NRXN1: variants seen among roughly 807,000 people sequenced by gnomAD.
NRXN1 encodes neurexin-1.
NRXN1 carries 39 observed loss-of-function variants against 150.9 expected under a neutral mutation model. The ratio of observed to expected loss-of-function variants is 0.26; its 90% confidence interval spans 0.20 to 0.34. The LOEUF (loss-of-function observed/expected upper bound fraction) is 0.34, where lower values mean the gene tolerates loss of function less well. NRXN1 is among the 10% of genes least tolerant of loss of function. NRXN1 has a pLI of 1.00. For synonymous variants in NRXN1, 924 were observed against 757.0 expected (o/e 1.22, Z -3.62); for missense variants, 1,815 against 1,949.9 (o/e 0.93, Z 1.30).
At chr2:50,122,918 G>T (rs950238911) in intron 18 of NRXN1, among the ~76,000 whole-genome samples, 2 of 152,040 alleles carry the variant, frequency 1.3e-5, no homozygotes, top group African/African-American at 2.4e-5. Flanking sequence ...TAGATACAAG[G>T]CTAATTTGGT....
intron 21 of NRXN1, among the ~76,000 whole-genome samples, chr2:49,998,893 T>C (rs985543813): frequency 2.0e-4 from 31 of 152,302 alleles, no homozygotes; most frequent in African/African-American, 7.0e-4. Context: ...TTTTTACTAC[T>C]GTCGTTGTAG....
intron 21 of NRXN1, among the ~76,000 whole-genome samples, chr2:49,945,806 G>C (rs1672794788): frequency 6.6e-6 from 1 of 152,118 alleles, no homozygotes. Context: ...ATTTGGGTTG[G>C]TTCCAAGTCT....
intron 2 of NRXN1, among the ~76,000 whole-genome samples, chr2:50,928,551 T>A (rs1419994060): frequency 2.0e-5 from 3 of 152,182 alleles, no homozygotes; most frequent in Non-Finnish European, 2.9e-5. Context: ...TTCCATTTTA[T>A]TTCTGTACTA....
chr2:50,648,014 T>C (rs932949495), intron 5 of NRXN1, among the ~76,000 whole-genome samples: 3 of 151,978 alleles, frequency 2.0e-5, no homozygotes, highest in Non-Finnish European at 2.9e-5. Flanking sequence ...CTTTGTGTAC[T>C]TTCCCAATTC....
At chr2:50,522,661 A>G (rs2092819207) in intron 12 of NRXN1, among the ~76,000 whole-genome samples, 1 of 149,938 alleles carries the variant, frequency 6.7e-6, no homozygotes, top group South Asian at 2.1e-4. Context: ...TACAATTCTC[A>G]TAAGTTTAAA....
At chr2:50,230,383 G>A (rs1003540505) in intron 18 of NRXN1, among the ~76,000 whole-genome samples, 5 of 152,010 alleles carry the variant, frequency 3.3e-5, no homozygotes, top group African/African-American at 7.2e-5. Flanking sequence ...AGATCAAAAT[G>A]CTGAAGACAT....
intron 5 of NRXN1, among the ~76,000 whole-genome samples, chr2:50,897,282 T>C (rs1052742182): frequency 1.3e-5 from 2 of 152,228 alleles, no homozygotes; most frequent in Non-Finnish European, 2.9e-5. Context: ...GTACTGTGAC[T>C]GGCATAGAGA....
chr2:50,329,611 GTGTGTGTATA>G (rs2076638159), intron 17 of NRXN1, among the ~76,000 whole-genome samples: 14 of 22,484 alleles, frequency 6.2e-4, no homozygotes, highest in African/African-American at 7.9e-4. Context: ...GTGTGTGTGT[GTGTGTGTATA>G]TATATATATA....
At chr2:50,498,820 C>A (rs1172369909) in intron 13 of NRXN1, among the ~76,000 whole-genome samples, 1 of 152,234 alleles carries the variant, frequency 6.6e-6, no homozygotes, top group Non-Finnish European at 1.5e-5. Context: ...TCTTCTGCAA[C>A]TAAAAATGCT....
chr2:50,075,769 G>T (rs890493075), intron 19 of NRXN1, among the ~76,000 whole-genome samples: 33 of 147,942 alleles, frequency 2.2e-4, no homozygotes, highest in African/African-American at 8.2e-4. Flanking sequence ...AAAAGGCTTG[G>T]GCAATCCCAA....
At chr2:50,293,818 A>C (rs1279878817) in intron 17 of NRXN1, among the ~76,000 whole-genome samples, 1 of 152,170 alleles carries the variant, frequency 6.6e-6, no homozygotes, top group Admixed American at 6.5e-5. Flanking sequence ...ATAATATCCC[A>C]AGTAGTGTAA....
intron 5 of NRXN1, among the ~76,000 whole-genome samples, chr2:50,657,021 A>AT (rs1686580581): frequency 6.6e-6 from 1 of 152,026 alleles, no homozygotes; most frequent in Admixed American, 6.6e-5. Context: ...TCTTAACTCA[A>AT]TAAAAACTCT....
chr2:50,780,507 T>C (rs951935458), intron 5 of NRXN1, among the ~76,000 whole-genome samples: 11 of 152,142 alleles, frequency 7.2e-5, no homozygotes, highest in African/African-American at 2.4e-4. Flanking sequence ...AATGGCATGG[T>C]CATCCTTTTA....
rs1029659029 is a variant in NRXN1 at position 49,919,947 on chromosome 2, T to C, written c.*1997A>G. On this transcript the variant is annotated 3_prime_UTR_variant, in exon 23 of 23. Coordinates refer to ENST00000401669, the MANE Select transcript of NRXN1 (RefSeq NM_001330078.2). Reference sequence around the variant, plus strand: ...TTTTGCATTTTTTGCCTTTGCTGATTAAAGCTAATTGGAAAGATATTCTTC... The same window carrying C: ...TTTTGCATTTTTTGCCTTTGCTGATCAAAGCTAATTGGAAAGATATTCTTC... 2.0e-5 allele frequency: 3 copies of C among 152,268 alleles called. No individual in the cohort carries two copies. In the East Asian group the frequency reaches 5.8e-4, roughly 29 times the overall value. The allele number at this position is 152,268 out of a possible 1,614,324, so 9.4% of individuals were successfully genotyped here.
chr2:50,210,353 T>C (rs2062926939), intron 18 of NRXN1, among the ~76,000 whole-genome samples: 1 of 151,900 alleles, frequency 6.6e-6, no homozygotes, highest in South Asian at 2.1e-4. Flanking sequence ...TCTACTGGCA[T>C]TTTTGGAGAT....
chr2:50,903,259 C>G (rs1240001630), intron 5 of NRXN1, among the ~76,000 whole-genome samples: 1 of 152,170 alleles, frequency 6.6e-6, no homozygotes, highest in Non-Finnish European at 1.5e-5. Flanking sequence ...TAGGTATTCA[C>G]TACCAGACCT....
chr2:50,187,310 G>A (rs187458501), intron 18 of NRXN1, among the ~76,000 whole-genome samples: 1 of 152,080 alleles, frequency 6.6e-6, no homozygotes, highest in East Asian at 1.9e-4. Context: ...GCACACCAAG[G>A]TAAAAAGGTG....
intron 17 of NRXN1, among the ~76,000 whole-genome samples, chr2:50,258,656 G>A (rs2067955703): frequency 6.6e-6 from 1 of 151,818 alleles, no homozygotes; most frequent in African/African-American, 2.4e-5. Flanking sequence ...CATCTAGAAT[G>A]GTAAATCCTT....
At chr2:50,366,089 A>T (rs1033585564) in intron 17 of NRXN1, among the ~76,000 whole-genome samples, 1 of 151,368 alleles carries the variant, frequency 6.6e-6, no homozygotes, top group Non-Finnish European at 1.5e-5. Flanking sequence ...CCAATAGCAG[A>T]TAATAAGAAT....
Sources: allele counts gnomAD v4.1 joint callset (sites outside exome capture counted in the v4.1 genomes callset), GRCh38; gene constraint gnomAD v4.1.1; transcripts MANE v1.5; gene names NCBI Gene and HGNC (gene_info 2026-07-23, HGNC 2026-07-21).